Variants in HTR2C observed in about 807,000 individuals in gnomAD.
The protein encoded by HTR2C is 5-hydroxytryptamine receptor 2C, also known as 5-hydroxytryptamine (serotonin) receptor 2C, G protein-coupled.
In HTR2C, 5 loss-of-function variants were observed where a neutral mutation model predicts 21.0. The observed-to-expected ratio is 0.24, with a 90% CI of 0.12 to 0.50. HTR2C has a LOEUF of 0.50. HTR2C is among the 20% of genes least tolerant of loss of function. HTR2C has a pLI of 0.98. For synonymous variants in HTR2C, 150 were observed against 145.3 expected (o/e 1.03, Z -0.23); for missense variants, 271 against 371.2 (o/e 0.73, Z 2.22).
intron 2 of HTR2C, among the ~76,000 whole-genome samples, chrX:114,688,960 G>A (rs1556414688): frequency 9.1e-6 from 1 of 109,329 alleles, no homozygotes; most frequent in African/African-American, 3.3e-5. Context: ...TGCACTCAAT[G>A]TGTAGACTTT....
intron 2 of HTR2C, among the ~76,000 whole-genome samples, chrX:114,714,202 T>G (rs1932941464): frequency 9.0e-6 from 1 of 111,509 alleles, no homozygotes; most frequent in African/African-American, 3.3e-5. Context: ...AGTACTATTT[T>G]TCTCCATAAA....
chrX:114,739,291 C>A (rs2069621669), intron 4 of HTR2C, among the ~76,000 whole-genome samples: 1 of 111,392 alleles, frequency 9.0e-6, no homozygotes, highest in Non-Finnish European at 1.9e-5. Flanking sequence ...AGATATTAGT[C>A]AATGCAGTTA....
intron 4 of HTR2C, among the ~76,000 whole-genome samples, chrX:114,738,887 G>A (rs1445988420): frequency 1.8e-5 from 2 of 110,231 alleles, no homozygotes; most frequent in Non-Finnish European, 3.8e-5. Context: ...TCAATATAGG[G>A]AAATATTTTC....
chrX:114,884,950 A>G (rs948466636), intron 5 of HTR2C, among the ~76,000 whole-genome samples: 2 of 110,757 alleles, frequency 1.8e-5, no homozygotes, highest in East Asian at 2.8e-4. Flanking sequence ...GTTTTATGAT[A>G]TAGCATATAA....
intron 4 of HTR2C, among the ~76,000 whole-genome samples, chrX:114,831,445 C>A (rs1232963776): frequency 2.0e-5 from 2 of 98,067 alleles, no homozygotes; most frequent in Non-Finnish European, 4.1e-5. Flanking sequence ...TCTCTGATGG[C>A]CAGTGATGAT....
intron 4 of HTR2C, among the ~76,000 whole-genome samples, chrX:114,808,672 G>A (rs1556451697): frequency 9.0e-6 from 1 of 111,616 alleles, no homozygotes; most frequent in Non-Finnish European, 1.9e-5. Context: ...ACCGGGGTGA[G>A]ATGATACCTT....
intron 5 of HTR2C, among the ~76,000 whole-genome samples, chrX:114,904,780 A>T (rs1178830332): frequency 1.8e-5 from 2 of 111,529 alleles, no homozygotes; most frequent in African/African-American, 6.5e-5. Flanking sequence ...GGTTAAGCCA[A>T]CACTGATGTC....
chrX:114,604,157 G>A lies in HTR2C; in HGVS notation c.-146-9658G>A, dbSNP rs782058749. Among the ~76,000 whole-genome samples the A allele has an allele frequency of 1.9e-3, 212 of 108,787 alleles. 3 individuals carry two copies. The highest frequency in any genetic ancestry group is 6.6e-3 in the African/African-American group (198 of 29,861). 94.5% of individuals were successfully genotyped at this position (108,787 alleles called of 115,157 possible). A position where few individuals can be genotyped will look rare whatever the true frequency, so the allele number is the denominator to read the frequency against. The stretch of plus-strand genomic sequence containing the variant: ...TTATACTTGTGGGTTAAGGTGGGGG[G>A]ATACAAGAGGAGGACGCAAAGGAGG... On this transcript the variant is annotated intron_variant, in intron 1 of 5. Coordinates refer to ENST00000276198, the MANE Select transcript of HTR2C (RefSeq NM_000868.4).
At chrX:114,855,368 A>T (rs1430183488) in intron 5 of HTR2C, among the ~76,000 whole-genome samples, 1 of 111,459 alleles carries the variant, frequency 9.0e-6, no homozygotes, top group Non-Finnish European at 1.9e-5. Flanking sequence ...CGAGTTACAC[A>T]TATTTTCTCA....
At chrX:114,747,255 A>G (rs1056739771) in intron 4 of HTR2C, among the ~76,000 whole-genome samples, 2 of 112,363 alleles carry the variant, frequency 1.8e-5, no homozygotes, top group East Asian at 5.6e-4. Flanking sequence ...AAGGGGATCT[A>G]CAATTATCCT....
At chrX:114,771,477 G>A (rs782552946) in intron 4 of HTR2C, among the ~76,000 whole-genome samples, 2 of 111,624 alleles carry the variant, frequency 1.8e-5, no homozygotes, top group South Asian at 7.5e-4. Flanking sequence ...ATTTTTGTGG[G>A]AGGTCACACC....
chrX:114,799,117 G>A (rs2070322963), intron 4 of HTR2C, among the ~76,000 whole-genome samples: 1 of 110,431 alleles, frequency 9.1e-6, no homozygotes, highest in Admixed American at 9.8e-5. Context: ...TATGAAGTAA[G>A]AGAAGGGAGA....
chrX:114,738,465 T>C (rs1225626301), intron 4 of HTR2C, among the ~76,000 whole-genome samples: 3 of 111,542 alleles, frequency 2.7e-5, no homozygotes, highest in Non-Finnish European at 3.8e-5. Context: ...TAAAAAAGAA[T>C]ACACCACGAC....
intron 4 of HTR2C, among the ~76,000 whole-genome samples, chrX:114,785,279 T>C (rs1037812970): frequency 4.5e-5 from 5 of 111,379 alleles, no homozygotes; most frequent in African/African-American, 1.6e-4. Flanking sequence ...CACTCCCAAT[T>C]TTATGAATAT....
chrX:114,795,491 GT>G (rs2070282700), intron 4 of HTR2C, among the ~76,000 whole-genome samples: 2 of 111,551 alleles, frequency 1.8e-5, no homozygotes, highest in South Asian at 3.7e-4. Context: ...GGTTTCTATG[GT>G]TTTAGGTCTA....
intron 4 of HTR2C, among the ~76,000 whole-genome samples, chrX:114,773,304 A>G (rs1251516664): frequency 1.8e-5 from 2 of 111,790 alleles, no homozygotes; most frequent in African/African-American, 6.5e-5. Context: ...AAAATAAAGC[A>G]ATATTACTGC....
intron 5 of HTR2C, among the ~76,000 whole-genome samples, chrX:114,858,735 A>G (rs1196075111): frequency 1.8e-5 from 2 of 110,869 alleles, no homozygotes; most frequent in African/African-American, 6.5e-5. Flanking sequence ...GTTTAATACA[A>G]GTGGAAGTAG....
intron 2 of HTR2C, among the ~76,000 whole-genome samples, chrX:114,640,492 A>C (rs1294598964): frequency 8.9e-6 from 1 of 112,081 alleles, no homozygotes; most frequent in Admixed American, 9.5e-5. Flanking sequence ...ATTTATCCAC[A>C]TTTTGATCTT....
At chrX:114,789,988 C>A (rs781997198) in intron 4 of HTR2C, among the ~76,000 whole-genome samples, 1 of 111,997 alleles carries the variant, frequency 8.9e-6, no homozygotes, top group South Asian at 3.7e-4. Flanking sequence ...TGTGCAGGTA[C>A]TTAAAGTGTC....
Sources: allele counts gnomAD v4.1 joint callset (sites outside exome capture counted in the v4.1 genomes callset), GRCh38; gene constraint gnomAD v4.1.1; transcripts MANE v1.5; gene names NCBI Gene and HGNC (gene_info 2026-07-23, HGNC 2026-07-21).